HMCN1: variants seen among roughly 807,000 people sequenced by gnomAD.
The protein encoded by HMCN1 is hemicentin 1.
In HMCN1, 321 loss-of-function variants were observed where a neutral mutation model predicts 625.9. The observed-to-expected ratio is 0.51, with a 90% CI of 0.47 to 0.56. HMCN1 has a LOEUF of 0.56. Ranked by LOEUF, HMCN1 falls within the 20% of genes least tolerant of loss-of-function variation. The pLI, the probability that HMCN1 is intolerant of heterozygous loss-of-function variation, is 0.00. For missense variants in HMCN1, 6,588 were observed against 6,887.3 expected, an observed-to-expected ratio of 0.96 and a Z score of 1.54; for synonymous variants, 2,425 against 2,417.6, an observed-to-expected ratio of 1.00 and a Z score of -0.09.
chr1:185,883,879 A>ATTTTTTTTTTTTTTTTT (rs1205211897), intron 4 of HMCN1, among the ~76,000 whole-genome samples: 14 of 55,950 alleles, frequency 2.5e-4, no homozygotes, highest in Non-Finnish European at 3.3e-4. Flanking sequence ...ATAGGTCATG[A>ATTTTTTTTTTTTTTTTT]TTTTTTTTTT....
At chr1:185,796,553 T>C (rs1308466561) in intron 1 of HMCN1, among the ~76,000 whole-genome samples, 3 of 152,222 alleles carry the variant, frequency 2.0e-5, no homozygotes, top group Non-Finnish European at 4.4e-5. Context: ...TCACTTATGA[T>C]AAGGGCCTAC....
intron 11 of HMCN1, among the ~76,000 whole-genome samples, chr1:185,944,907 C>A (rs534224833): frequency 2.1e-4 from 32 of 152,226 alleles, no homozygotes; most frequent in African/African-American, 7.7e-4. Flanking sequence ...CTATTTATGT[C>A]CGAATGTGTA....
intron 1 of HMCN1, among the ~76,000 whole-genome samples, chr1:185,825,027 C>T (rs1660426726): frequency 2.6e-5 from 4 of 151,826 alleles, no homozygotes; most frequent in Admixed American, 2.6e-4. Flanking sequence ...AGTTTTATTG[C>T]CATCATTATA....
At chr1:185,942,258 G>T (rs866375777) in intron 11 of HMCN1, among the ~76,000 whole-genome samples, 1 of 151,608 alleles carries the variant, frequency 6.6e-6, no homozygotes, top group Non-Finnish European at 1.5e-5. Flanking sequence ...ATTCAAGTAT[G>T]TAAGAAAATT....
At chr1:185,934,686 T>C (rs1667725568) in intron 11 of HMCN1, among the ~76,000 whole-genome samples, 1 of 152,170 alleles carries the variant, frequency 6.6e-6, no homozygotes. Context: ...TTTCAGTTCC[T>C]TGATGTGGGA....
chr1:186,038,086 T>C (rs1215520462), intron 37 of HMCN1, 51 bp downstream of exon 37: 1 of 1,224,188 alleles, frequency 8.2e-7, no homozygotes, highest in Non-Finnish European at 1.2e-6. Context: ...TTTCTGGGAA[T>C]AACTGAAATT....
intron 53 of HMCN1, 33 bp downstream of exon 53, chr1:186,074,924 T>C (rs746307523): frequency 2.7e-6 from 4 of 1,505,734 alleles, no homozygotes; most frequent in East Asian, 4.6e-5. Context: ...TATAATGTAA[T>C]TTATATGATC....
At chr1:186,076,394 T>A in intron 53 of HMCN1, 34 bp from the exon 54 acceptor site, 1 of 1,581,888 alleles carries the variant, frequency 6.3e-7, no homozygotes, top group Non-Finnish European at 8.7e-7. Flanking sequence ...TAAGCATTTA[T>A]ATGTGACCAA....
intron 57 of HMCN1, among the ~76,000 whole-genome samples, chr1:186,084,238 A>G (rs2102390006): frequency 6.6e-6 from 1 of 152,250 alleles, no homozygotes; most frequent in South Asian, 2.1e-4. Flanking sequence ...TAAACCTAGA[A>G]TGGTGTCTAT....
At chr1:185,891,759 C>G (rs1443259218) in intron 4 of HMCN1, among the ~76,000 whole-genome samples, 1 of 148,056 alleles carries the variant, frequency 6.8e-6, no homozygotes, top group African/African-American at 2.7e-5. Flanking sequence ...TCCTTCATTT[C>G]AACTTTGGTG....
intron 22 of HMCN1, among the ~76,000 whole-genome samples, chr1:185,992,911 C>G (rs1174253930): frequency 6.6e-6 from 1 of 151,992 alleles, no homozygotes; most frequent in Non-Finnish European, 1.5e-5. Context: ...TATACATTTG[C>G]TTTATAGAGC....
Position 186,039,873 on chromosome 1 carries a change from A to G in HMCN1, c.6174A>G (p.Gly2058=). The G allele has an allele frequency of 6.2e-7, 1 of 1,613,126 alleles. No individual in the cohort carries two copies. The highest frequency in any genetic ancestry group is 2.2e-5 in the East Asian group (1 of 44,796). The change falls in exon 39 of 107, where the codon GGA becomes GGG. Residue 2058 remains glycine, a synonymous_variant. Coordinates refer to ENST00000271588, the MANE Select transcript of HMCN1 (RefSeq NM_031935.3). ...GTCCTGTTTCTAGTTTTTCTAATGG[A>G]TTACAGGTACCTTCATTCATTTCTT... ...DGSPVSSFSN[G]LQVLSGGRIL...
At chr1:185,778,175 C>G (rs971283702) in intron 1 of HMCN1, among the ~76,000 whole-genome samples, 1 of 152,076 alleles carries the variant, frequency 6.6e-6, no homozygotes, top group Admixed American at 6.6e-5. Context: ...CCCAGCAGCT[C>G]TTAGTCAGTG....
chr1:185,756,316 C>T (rs934569796), intron 1 of HMCN1, among the ~76,000 whole-genome samples: 1 of 151,658 alleles, frequency 6.6e-6, no homozygotes, highest in African/African-American at 2.4e-5. Flanking sequence ...CCTTTTCTGC[C>T]ATTGTGTCTT....
chr1:185,977,420 A>G (rs1205210200), intron 15 of HMCN1, among the ~76,000 whole-genome samples: 9 of 152,208 alleles, frequency 5.9e-5, no homozygotes, highest in Admixed American at 5.9e-4. Flanking sequence ...ATATCTTATT[A>G]TAAAGCCAAC....
At chr1:186,088,036 A>G (rs1007809645) in intron 61 of HMCN1, 23 bp downstream of exon 61, 5 of 1,612,006 alleles carry the variant, frequency 3.1e-6, no homozygotes, top group Non-Finnish European at 2.5e-6. Context: ...CTCTAATACA[A>G]CTCTTTTTCC....
At chr1:186,187,763 T>C in intron 105 of HMCN1, 120 bp from the exon 106 acceptor site, 2 of 1,325,816 alleles carry the variant, frequency 1.5e-6, no homozygotes, top group Non-Finnish European at 2.2e-6. Flanking sequence ...TATGACTAAG[T>C]TCATTCATGG....
Position 186,065,343 on chromosome 1 carries a change from T to C in HMCN1, c.7619T>C (p.Val2540Ala), listed in dbSNP as rs1403931789. 1 of 1,612,392 alleles carries C rather than the reference T, an allele frequency of 6.2e-7. No individual in the cohort carries two copies. The highest frequency in any genetic ancestry group is 8.5e-7 in the Non-Finnish European group (1 of 1,179,724). The change falls in exon 49 of 107, where the codon GTC (valine) becomes GCC (alanine). Residue 2540 changes from valine (V) to alanine (A), a missense_variant. By Grantham distance (64) the Val-to-Ala change is moderately conservative. Around this residue, in one of 3 missense-constraint regions of HMCN1, gnomAD observed 4,628 missense variants for 4,853.1 expected, o/e 0.95. Transcript: ENST00000271588. The stretch of plus-strand genomic sequence containing the variant: ...GGCCGTTTTCTTCAAATTACCAATG[T>C]CCAGGTGCCACACACTGGAAGATAT... The part of the protein sequence containing the change: ...SGGRFLQITN[V>A]QVPHTGRYTC...
At chr1:186,024,703 C>CT (rs1333180110) in intron 36 of HMCN1, among the ~76,000 whole-genome samples, 1 of 152,188 alleles carries the variant, frequency 6.6e-6, no homozygotes, top group Non-Finnish European at 1.5e-5. Context: ...ACATCTCCCA[C>CT]TTCATAGACA....
Sources: gnomAD v4.1 joint callset for allele counts (sites outside exome capture counted in the v4.1 genomes callset) on GRCh38, gnomAD v4.1.1 for gene constraint, gnomAD v4.1.1 regional missense constraint, MANE v1.5 for transcripts, NCBI Gene and HGNC (gene_info 2026-07-23, HGNC 2026-07-21) for gene names.